The following PPM1L variants were observed in gnomAD, a reference collection of about 807,000 sequenced individuals.
PPM1L encodes the protein protein phosphatase, Mg2+/Mn2+ dependent 1L, also known as protein phosphatase 1L.
PPM1L carries 13 observed loss-of-function variants against 31.4 expected under a neutral mutation model. That is an observed-to-expected ratio of 0.41 (90% CI 0.27 to 0.66). The LOEUF (loss-of-function observed/expected upper bound fraction) is 0.66, where lower values mean the gene tolerates loss of function less well. Ranked by LOEUF, PPM1L falls within the 30% of genes least tolerant of loss-of-function variation. PPM1L has a pLI of 0.29. For synonymous variants in PPM1L, 184 were observed against 175.4 expected, an observed-to-expected ratio of 1.05 and a Z score of -0.39; for missense variants, 326 against 453.7, an observed-to-expected ratio of 0.72 and a Z score of 2.56.
intron 1 of PPM1L, among the ~76,000 whole-genome samples, chr3:160,815,503 A>G (rs1279158029): frequency 6.6e-6 from 1 of 152,154 alleles, no homozygotes; most frequent in Non-Finnish European, 1.5e-5. Context: ...ACTTATTAGC[A>G]TATTAAAGGT....
intron 1 of PPM1L, among the ~76,000 whole-genome samples, chr3:160,885,943 A>T (rs1314679507): frequency 6.6e-6 from 1 of 152,138 alleles, no homozygotes; most frequent in African/African-American, 2.4e-5. Context: ...ACTGCCTAAC[A>T]CACTAACCTC....
chr3:160,809,042 C>A (rs1712728532), intron 1 of PPM1L, among the ~76,000 whole-genome samples: 1 of 152,162 alleles, frequency 6.6e-6, no homozygotes, highest in African/African-American at 2.4e-5. Context: ...GGAAGGGCTG[C>A]CAGGTGCTAA....
intron 1 of PPM1L, among the ~76,000 whole-genome samples, chr3:160,802,379 A>G (rs146308236): frequency 9.5e-4 from 145 of 152,294 alleles, no homozygotes; most frequent in African/African-American, 3.3e-3. Context: ...GAAACCTACA[A>G]TCCGGCTTGG....
chr3:160,812,471 C>T (rs1712841764), intron 1 of PPM1L, among the ~76,000 whole-genome samples: 1 of 152,142 alleles, frequency 6.6e-6, no homozygotes, highest in African/African-American at 2.4e-5. Flanking sequence ...AGGTACTTTT[C>T]ATAGGAGGCT....
At chr3:160,818,964 C>A (rs980417753) in intron 1 of PPM1L, among the ~76,000 whole-genome samples, 3 of 151,790 alleles carry the variant, frequency 2.0e-5, no homozygotes, top group Non-Finnish European at 4.4e-5. Context: ...TGGTGAGCTG[C>A]CAGAAGTCTT....
At chr3:161,013,066 C>G (rs1158476500) in intron 2 of PPM1L, among the ~76,000 whole-genome samples, 1 of 152,240 alleles carries the variant, frequency 6.6e-6, no homozygotes, top group Non-Finnish European at 1.5e-5. Context: ...CTTCTGCTAG[C>G]TTTTGAATGT....
intron 1 of PPM1L, among the ~76,000 whole-genome samples, chr3:160,814,554 C>CACACATATGTATGTATGTGTATATATAT (rs1560114726): frequency 9.8e-6 from 1 of 101,754 alleles, no homozygotes; most frequent in Non-Finnish European, 2.1e-5. Context: ...TATATACACA[C>CACACATATGTATGTATGTGTATATATAT]ACACATATGT....
chr3:161,054,150 C>T (rs1019324423), intron 2 of PPM1L, among the ~76,000 whole-genome samples: 8 of 151,974 alleles, frequency 5.3e-5, no homozygotes, highest in African/African-American at 1.7e-4. Context: ...ACTGCTTCTT[C>T]TGCTTGGAAG....
At chr3:160,876,917 A>G (rs1712533073) in intron 1 of PPM1L, among the ~76,000 whole-genome samples, 1 of 152,208 alleles carries the variant, frequency 6.6e-6, no homozygotes, top group Admixed American at 6.5e-5. Flanking sequence ...TCCTTTGGGA[A>G]TGACTTCTGC....
chr3:160,911,835 C>T (rs142755518), intron 1 of PPM1L, among the ~76,000 whole-genome samples: 2 of 152,134 alleles, frequency 1.3e-5, no homozygotes, highest in East Asian at 3.9e-4. Context: ...TTAACTGTAC[C>T]ACTTCCTAAC....
intron 2 of PPM1L, among the ~76,000 whole-genome samples, chr3:160,991,699 C>A (rs1035091791): frequency 2.0e-5 from 3 of 152,084 alleles, no homozygotes; most frequent in African/African-American, 7.2e-5. Context: ...ACGACTGTGG[C>A]CTAAGAAAAA....
chr3:161,037,747 G>C (rs1718788765), intron 2 of PPM1L, among the ~76,000 whole-genome samples: 1 of 151,642 alleles, frequency 6.6e-6, no homozygotes, highest in African/African-American at 2.4e-5. Flanking sequence ...TTGAGCTTTT[G>C]AGATGACTGA....
intron 1 of PPM1L, among the ~76,000 whole-genome samples, chr3:160,826,935 A>G (rs1283787097): frequency 6.6e-6 from 1 of 152,174 alleles, no homozygotes; most frequent in African/African-American, 2.4e-5. Context: ...AAAAAAACAC[A>G]CATGAAATGA....
chr3:160,838,939 A>G (rs1189681838), intron 1 of PPM1L, among the ~76,000 whole-genome samples: 1 of 152,204 alleles, frequency 6.6e-6, no homozygotes, highest in Non-Finnish European at 1.5e-5. Flanking sequence ...TTTGGAAGTG[A>G]GTCCTTTGGG....
intron 2 of PPM1L, chr3:161,035,686 A>C (rs1003235268): frequency 2.0e-5 from 3 of 152,242 alleles, no homozygotes; most frequent in African/African-American, 7.2e-5. Flanking sequence ...TATGATTGTT[A>C]ATGGCAATTC....
intron 1 of PPM1L, among the ~76,000 whole-genome samples, chr3:160,898,323 A>C (rs555168465): frequency 6.6e-6 from 1 of 152,220 alleles, no homozygotes; most frequent in African/African-American, 2.4e-5. Flanking sequence ...GGCCTTTCTT[A>C]AGTCCAGAAA....
chr3:161,018,615 G>A (rs1375994733), intron 2 of PPM1L, among the ~76,000 whole-genome samples: 1 of 151,986 alleles, frequency 6.6e-6, no homozygotes, highest in Non-Finnish European at 1.5e-5. Context: ...TCAGGATTAT[G>A]GATATTTTTT....
chr3:160,914,098 C>T (rs555378317), intron 1 of PPM1L, among the ~76,000 whole-genome samples: 52 of 152,174 alleles, frequency 3.4e-4, no homozygotes, highest in Admixed American at 7.2e-4. Flanking sequence ...CAACACTTGG[C>T]GTAGACATTC....
chr3:160,836,315 GA>G (rs1553810888), intron 1 of PPM1L, among the ~76,000 whole-genome samples: 1 of 148,216 alleles, frequency 6.7e-6, no homozygotes. Context: ...GGAAGGAAAG[GA>G]AGAGAGAGAG....
Sources: gnomAD v4.1 joint callset for allele counts (sites outside exome capture counted in the v4.1 genomes callset) on GRCh38, gnomAD v4.1.1 for gene constraint, MANE v1.5 for transcripts, NCBI Gene and HGNC (gene_info 2026-07-23, HGNC 2026-07-21) for gene names.